The following SRBD1 variants were observed in gnomAD, a reference collection of about 807,000 sequenced individuals.
SRBD1 encodes the protein S1 RNA binding domain 1.
SRBD1 carries 88 observed loss-of-function variants against 115.3 expected under a neutral mutation model. That is an observed-to-expected ratio of 0.76 (90% CI 0.64 to 0.91). The LOEUF (loss-of-function observed/expected upper bound fraction) is 0.91. Ranked by LOEUF, SRBD1 falls within the 40% of genes least tolerant of loss-of-function variation. The pLI is 0.00. For missense variants in SRBD1, 1,385 were observed against 1,177.4 expected (o/e 1.18, Z -2.58); for synonymous variants, 509 against 407.7 (o/e 1.25, Z -2.99).
At chr2:45,406,933 G>A (rs1667455228) in intron 19 of SRBD1, among the ~76,000 whole-genome samples, 1 of 151,858 alleles carries the variant, frequency 6.6e-6, no homozygotes, top group Admixed American at 6.6e-5. Context: ...TTTCTGTGCA[G>A]AATAATACAT....
chr2:45,492,581 G>C (rs1050860297), intron 14 of SRBD1, among the ~76,000 whole-genome samples: 5 of 152,150 alleles, frequency 3.3e-5, no homozygotes, highest in African/African-American at 1.2e-4. Context: ...TGGGACTACA[G>C]GCGCCCGCCA....
At chr2:45,444,556 A>C (rs536703598) in intron 16 of SRBD1, among the ~76,000 whole-genome samples, 48 of 152,288 alleles carry the variant, frequency 3.2e-4, no homozygotes, top group African/African-American at 1.1e-3. Flanking sequence ...CTTTGAATGA[A>C]TCCTTTTTGT....
At chr2:45,421,632 A>C (rs746942518) in intron 16 of SRBD1, among the ~76,000 whole-genome samples, 2 of 151,854 alleles carry the variant, frequency 1.3e-5, no homozygotes, top group Non-Finnish European at 2.9e-5. Flanking sequence ...AACAATGAAT[A>C]CATTCGCTAT....
At chr2:45,433,746 C>T (rs113521452) in intron 16 of SRBD1, among the ~76,000 whole-genome samples, 3 of 152,168 alleles carry the variant, frequency 2.0e-5, no homozygotes, top group Non-Finnish European at 2.9e-5. Flanking sequence ...ATTTAAAAAC[C>T]TATGTGTTCT....
chr2:45,421,852 G>A lies in SRBD1; in HGVS notation c.2050-1958C>T, dbSNP rs139909562. Among the ~76,000 whole-genome samples, 347 of 152,196 alleles carry A rather than the reference G, an allele frequency of 2.3e-3. 2 individuals carry two copies. Among genetic ancestry groups the A allele is most frequent in the African/African-American group, 8.2e-3 (341 of 41,526 alleles). ...AGATAACTTATTGGTAACTAGCCAGGCCGCAGCTAAAAATTTTGGATGTCA... is the reference window on the plus strand; with the variant it reads ...AGATAACTTATTGGTAACTAGCCAGACCGCAGCTAAAAATTTTGGATGTCA... On this transcript the variant is annotated intron_variant, in intron 16 of 20. Transcript: ENST00000263736.
chr2:45,527,714 G>C (rs934167518), intron 14 of SRBD1, among the ~76,000 whole-genome samples: 1 of 151,854 alleles, frequency 6.6e-6, no homozygotes, highest in Non-Finnish European at 1.5e-5. Context: ...CCCCACTTCA[G>C]AGATGAAGAG....
intron 14 of SRBD1, among the ~76,000 whole-genome samples, chr2:45,513,652 G>A (rs1359454131): frequency 6.6e-6 from 1 of 152,126 alleles, no homozygotes; most frequent in East Asian, 1.9e-4. Context: ...TCAAGAAAAT[G>A]AGGAGTTAGA....
At position 45,599,687 on chromosome 2, in the gene SRBD1, T is replaced by C. The variant is rs375998619; in HGVS notation, c.410A>G (p.Glu137Gly). The C allele has an allele frequency of 6.2e-6, 10 of 1,614,108 alleles. No individual in the cohort carries two copies. The highest frequency in any genetic ancestry group is 8.5e-6 in the Non-Finnish European group (10 of 1,180,054). ...VRRTKKLKVE[E>G]ETSKASNLEG... ...TAAGTTGCTGGCTTTGCTGGTTTCT[T>C]CTTCAACTTTCAGCTTTTTAGTCCT... The change falls in exon 4 of 21, where the codon GAA becomes GGA. Residue 137 changes from glutamate to glycine, a missense_variant. Transcript: ENST00000263736.
chr2:45,552,694 T>C (rs1672340698), intron 11 of SRBD1, among the ~76,000 whole-genome samples: 1 of 152,220 alleles, frequency 6.6e-6, no homozygotes, highest in Non-Finnish European at 1.5e-5. Context: ...TGAAGTGAAA[T>C]ACAATTCTAA....
At chr2:45,573,400 A>G in intron 8 of SRBD1, 58 bp from the exon 9 acceptor site, 1 of 1,538,814 alleles carries the variant, frequency 6.5e-7, no homozygotes, top group Non-Finnish European at 8.7e-7. Flanking sequence ...GCTTTAGTAA[A>G]GAATATATAG....
chr2:45,549,732 G>A (rs751202138), intron 12 of SRBD1, among the ~76,000 whole-genome samples: 42 of 150,596 alleles, frequency 2.8e-4, no homozygotes, highest in Non-Finnish European at 5.3e-4. Flanking sequence ...GCATGGTGGT[G>A]CGTGCCTATG....
intron 19 of SRBD1, among the ~76,000 whole-genome samples, chr2:45,396,732 G>A (rs947544791): frequency 1.3e-5 from 2 of 152,096 alleles, no homozygotes; most frequent in Middle Eastern, 3.2e-3. Flanking sequence ...TTTTCCCAAA[G>A]AATAAGAAAT....
intron 1 of SRBD1, among the ~76,000 whole-genome samples, chr2:45,608,471 A>C (rs1033781512): frequency 6.6e-6 from 1 of 152,096 alleles, no homozygotes; most frequent in Non-Finnish European, 1.5e-5. Flanking sequence ...AAACACCAAT[A>C]TTCTTGAGGC....
intron 4 of SRBD1, among the ~76,000 whole-genome samples, chr2:45,591,125 T>G (rs1673708712): frequency 6.6e-6 from 1 of 152,144 alleles, no homozygotes; most frequent in Non-Finnish European, 1.5e-5. Context: ...GCTTCAGGAT[T>G]TTAAAAATCC....
intron 14 of SRBD1, among the ~76,000 whole-genome samples, chr2:45,535,652 G>A (rs151300156): frequency 1.0e-3 from 152 of 152,042 alleles, no homozygotes; most frequent in African/African-American, 3.4e-3. Context: ...ATAAGAAACA[G>A]AAGATCTCTT....
At chr2:45,547,362 A>G (rs777547454) in intron 13 of SRBD1, among the ~76,000 whole-genome samples, 160 bp downstream of exon 13, 1 of 152,130 alleles carries the variant, frequency 6.6e-6, no homozygotes, top group African/African-American at 2.4e-5. Context: ...AAGTCTCCAC[A>G]TGCAGAGTTC....
rs1026319668 is a variant in SRBD1 at position 45,477,591 on chromosome 2, C to T, written c.1967-516G>A. 7.2e-5 allele frequency among the ~76,000 whole-genome samples: 11 copies of T among 152,002 alleles called. No homozygotes were observed. The East Asian group carries it at 2.1e-3, about 29-fold the overall frequency. On this transcript the variant is annotated intron_variant, in intron 15 of 20. Coordinates refer to ENST00000263736, the MANE Select transcript of SRBD1 (RefSeq NM_018079.5). ...TAGAGATAGGGTCTCACTCTGTTAC[C>T]CTGGATAGAGTGCAGTGGTGCCATC...
intron 1 of SRBD1, among the ~76,000 whole-genome samples, chr2:45,610,664 A>G (rs558184097): frequency 3.9e-4 from 60 of 152,318 alleles, no homozygotes; most frequent in African/African-American, 1.4e-3. Flanking sequence ...CGCCTCCTAC[A>G]TGCCAGGCGC....
chr2:45,470,772 T>C (rs963663664), intron 16 of SRBD1, among the ~76,000 whole-genome samples: 3 of 152,078 alleles, frequency 2.0e-5, no homozygotes, highest in African/African-American at 4.8e-5. Flanking sequence ...GCAAAGTCTT[T>C]AGGGGTCAGT....
Sources: gnomAD v4.1 joint callset for allele counts (sites outside exome capture counted in the v4.1 genomes callset) on GRCh38, gnomAD v4.1.1 for gene constraint, MANE v1.5 for transcripts, NCBI Gene and HGNC (gene_info 2026-07-23, HGNC 2026-07-21) for gene names.